GFRA2: variants seen among roughly 807,000 people sequenced by gnomAD.
The protein encoded by GFRA2 is GDNF family receptor alpha 2.
A neutral mutation model predicts 48.3 loss-of-function variants in GFRA2; 17 were observed. The observed-to-expected ratio is 0.35, with a 90% CI of 0.24 to 0.53. The LOEUF is 0.53. Among genes scored for constraint, GFRA2 ranks in the 20% least tolerant of loss-of-function variants. The probability of loss-of-function intolerance (pLI) is 0.93; values close to 1 mark genes in which losing one functional copy is unlikely to be tolerated. For synonymous variants in GFRA2, 305 were observed against 257.2 expected (o/e 1.19, Z -1.78); for missense variants, 660 against 637.3 (o/e 1.04, Z -0.38).
At position 21,729,244 on chromosome 8, in the gene GFRA2, C is replaced by A. The variant is rs576929209; in HGVS notation, c.794+21344G>T. ...ACTCGGGAGGCTGAGGTGGGAGGAT[C>A]ACTTGAGCCCAGGAGCTTGAGGCTG... On this transcript the variant is annotated intron_variant, in intron 4 of 8. Transcript: ENST00000524240. 3.5e-4 allele frequency among the ~76,000 whole-genome samples: 53 copies of A among 152,294 alleles called. No individual in the cohort carries two copies. The South Asian group carries it at 8.5e-3, about 24-fold the overall frequency.
chr8:21,747,228 G>C (rs1585289623), intron 4 of GFRA2, among the ~76,000 whole-genome samples: 1 of 152,146 alleles, frequency 6.6e-6, no homozygotes, highest in Admixed American at 6.5e-5. Flanking sequence ...AAGAAGAAGC[G>C]AATGTGTCTC....
At chr8:21,790,102 C>G, upstream of GFRA2, 2 of 985,238 alleles carry the variant, frequency 2.0e-6, no homozygotes, top group Non-Finnish European at 1.2e-6. Context: ...TTACAATAAA[C>G]GCCCAGAAGG....
At chr8:21,742,664 C>T (rs562841833) in intron 4 of GFRA2, among the ~76,000 whole-genome samples, 6 of 152,340 alleles carry the variant, frequency 3.9e-5, no homozygotes, top group African/African-American at 1.4e-4. Flanking sequence ...CCTGTGTGAA[C>T]AAACACACGC....
chr8:21,703,663 G>C (rs1802596598), intron 6 of GFRA2, among the ~76,000 whole-genome samples: 1 of 151,968 alleles, frequency 6.6e-6, no homozygotes, highest in Admixed American at 6.6e-5. Context: ...ATCTACCCTG[G>C]TCCCCCATGT....
chr8:21,782,717 T>C lies in GFRA2; in HGVS notation c.223A>G (p.Asn75Asp). The C allele has an allele frequency of 1.9e-6, 3 of 1,596,982 alleles. No individual in the cohort carries two copies. Among genetic ancestry groups the C allele is most frequent in the Non-Finnish European group, 2.6e-6 (3 of 1,172,296 alleles). Residue 75 changes from asparagine (N) to aspartate (D), a missense_variant, in exon 2 of 9, where the codon AAC (asparagine) becomes GAC (aspartate). By Grantham distance (23) the Asn-to-Asp change is conservative. Coordinates refer to ENST00000524240, the MANE Select transcript of GFRA2 (RefSeq NM_001495.5). Reference sequence around the variant, plus strand: ...TCCAAGGCCGCCTGGCACTCCTTGTTGGCCAGCATGGTGTTGCGGTCGCGG... The same window carrying C: ...TCCAAGGCCGCCTGGCACTCCTTGTCGGCCAGCATGGTGTTGCGGTCGCGG... Reference protein sequence around the residue: ...AGRDRNTMLANKECQAALEVL... With the variant: ...AGRDRNTMLADKECQAALEVL...
chr8:21,710,787 G>C (rs567958875), intron 4 of GFRA2, among the ~76,000 whole-genome samples: 1 of 152,310 alleles, frequency 6.6e-6, no homozygotes, highest in African/African-American at 2.4e-5. Flanking sequence ...CAAAGCGTAC[G>C]GCAAAGTGAA....
At chr8:21,726,890 C>A (rs921681517) in intron 4 of GFRA2, among the ~76,000 whole-genome samples, 1 of 151,546 alleles carries the variant, frequency 6.6e-6, no homozygotes, top group Non-Finnish European at 1.5e-5. Flanking sequence ...GTAGCTGGGA[C>A]TACAAGCGCG....
rs1396358306 is a variant in GFRA2, at chr8:21,691,519, G to T, written c.*1759C>A. The T allele has an allele frequency of 6.6e-6, 1 of 152,298 alleles. No homozygotes were observed. Among genetic ancestry groups the T allele is most frequent in the Non-Finnish European group, 1.5e-5 (1 of 68,128 alleles). 9.4% of individuals were successfully genotyped at this position (152,298 alleles called of 1,614,324 possible). A position where few individuals can be genotyped will look rare whatever the true frequency, so the allele number is the denominator to read the frequency against. On this transcript the variant is annotated 3_prime_UTR_variant, in exon 9 of 9. Coordinates refer to ENST00000524240, the MANE Select transcript of GFRA2 (RefSeq NM_001495.5). ...ATGCACAGTCATGTCCTTCTTCTCTGGTGGGACCCAAAAGGCCAGGTCACT... is the reference window on the plus strand; with the variant it reads ...ATGCACAGTCATGTCCTTCTTCTCTTGTGGGACCCAAAAGGCCAGGTCACT...
intron 3 of GFRA2, among the ~76,000 whole-genome samples, chr8:21,757,087 T>C (rs1018885197): frequency 6.6e-5 from 10 of 152,226 alleles, no homozygotes; most frequent in African/African-American, 2.2e-4. Flanking sequence ...GGCTTCTTCA[T>C]CTCCTCCCCT....
chr8:21,693,084 C>T lies in GFRA2; in HGVS notation c.*194G>A. The stretch of plus-strand genomic sequence containing the variant: ...ACCCCTGGGCCAGCTCTCAGGCTGC[C>T]TGCCTGCTTGTCTGTTTGGTTTACA... On this transcript the variant is annotated 3_prime_UTR_variant, in exon 9 of 9. Coordinates refer to ENST00000524240, the MANE Select transcript of GFRA2 (RefSeq NM_001495.5). 1 of 445,806 alleles carries T rather than the reference C, an allele frequency of 2.2e-6. No individual in the cohort carries two copies. The highest frequency in any genetic ancestry group is 4.0e-5 in the South Asian group (1 of 24,802). The allele number at this position is 445,806 out of a possible 1,614,324, so 27.6% of individuals were successfully genotyped here. A position where few individuals can be genotyped will look rare whatever the true frequency, so the allele number is the denominator to read the frequency against.
chr8:21,799,128 G>A (rs1210265176), intron 2 of GFRA2, among the ~76,000 whole-genome samples: 1 of 152,146 alleles, frequency 6.6e-6, no homozygotes, highest in Non-Finnish European at 1.5e-5. Flanking sequence ...ACTTGTTTGG[G>A]AGTCACTAGG....
At position 21,788,208 on chromosome 8, in the gene GFRA2, A is replaced by AG. The variant is rs1807381973; in HGVS notation, c.-50_-49insC. On this transcript the variant is annotated 5_prime_UTR_variant, in exon 1 of 9. Transcript: ENST00000524240. Reference sequence around the variant, plus strand: ...TTGTCTTTCTCCCTTGGGTAAAAAAAAATAATAGTAGTAACAACAACAATA... The same window carrying AG: ...TTGTCTTTCTCCCTTGGGTAAAAAAAGAATAATAGTAGTAACAACAACAATA... The AG allele has an allele frequency of 1.9e-6, 3 of 1,593,362 alleles. No homozygotes were observed. The highest frequency in any genetic ancestry group is 2.7e-5 in the African/African-American group (2 of 73,530).
At chr8:21,783,226 C>T in intron 1 of GFRA2, 1 of 481,236 alleles carries the variant, frequency 2.1e-6, no homozygotes, top group Admixed American at 2.6e-5. Flanking sequence ...GAGAATGTCA[C>T]AGCCTCAGCA....
chr8:21,748,951 T>C (rs915765991), intron 4 of GFRA2, among the ~76,000 whole-genome samples: 1 of 152,134 alleles, frequency 6.6e-6, no homozygotes, highest in Non-Finnish European at 1.5e-5. Context: ...TTCTCCTCCT[T>C]GTTTCCCAAG....
intron 4 of GFRA2, among the ~76,000 whole-genome samples, chr8:21,706,673 A>G (rs900432723): frequency 6.6e-6 from 1 of 152,134 alleles, no homozygotes; most frequent in African/African-American, 2.4e-5. Flanking sequence ...ACCAGGCAGA[A>G]GCGGCCTTCC....
intron 2 of GFRA2, among the ~76,000 whole-genome samples, chr8:21,798,005 A>G (rs1807707655): frequency 6.6e-6 from 1 of 152,164 alleles, no homozygotes; most frequent in Admixed American, 6.5e-5. Context: ...AAAAGTCACC[A>G]TAGTCACCAT....
chr8:21,797,736 G>C (rs1807703430), intron 2 of GFRA2: 1 of 152,126 alleles, frequency 6.6e-6, no homozygotes. Flanking sequence ...TAGAGACGGG[G>C]TTTCACCATG....
intron 6 of GFRA2, among the ~76,000 whole-genome samples, chr8:21,703,269 G>A (rs998026573): frequency 6.6e-6 from 1 of 152,110 alleles, no homozygotes; most frequent in Non-Finnish European, 1.5e-5. Context: ...AGAAGGGGGT[G>A]GGATGCAGGG....
At chr8:21,710,239 C>T (rs564228698) in intron 4 of GFRA2, among the ~76,000 whole-genome samples, 4 of 152,290 alleles carry the variant, frequency 2.6e-5, no homozygotes, top group African/African-American at 7.2e-5. Flanking sequence ...CCTTGGGCTG[C>T]GACAGAGAGC....
Sources: allele counts gnomAD v4.1 joint callset (sites outside exome capture counted in the v4.1 genomes callset), GRCh38; gene constraint gnomAD v4.1.1; transcripts MANE v1.5; gene names NCBI Gene and HGNC (gene_info 2026-07-23, HGNC 2026-07-21).